LIPA: variants seen among roughly 807,000 people sequenced by gnomAD.
LIPA encodes the protein lysosomal acid lipase/cholesteryl ester hydrolase.
A neutral mutation model predicts 40.6 loss-of-function variants in LIPA; 26 were observed. The ratio of observed to expected loss-of-function variants is 0.64; its 90% confidence interval spans 0.47 to 0.89. The LOEUF (loss-of-function observed/expected upper bound fraction) is 0.89, where lower values mean the gene tolerates loss of function less well. LIPA is among the 40% of genes least tolerant of loss of function. LIPA has a pLI of 0.00. For synonymous variants in LIPA, 188 were observed against 168.4 expected, an observed-to-expected ratio of 1.12 and a Z score of -0.90; for missense variants, 455 against 479.6, an observed-to-expected ratio of 0.95 and a Z score of 0.48.
At chr10:89,375,273 A>G (rs1170268309) in intron 2 of LIPA, among the ~76,000 whole-genome samples, 4 of 152,244 alleles carry the variant, frequency 2.6e-5, no homozygotes, top group Non-Finnish European at 5.9e-5. Context: ...AGTAAGCAGC[A>G]AAGTCCATTA....
At chr10:89,330,133 C>T (rs1371643088) in intron 1 of LIPA, among the ~76,000 whole-genome samples, 3 of 152,192 alleles carry the variant, frequency 2.0e-5, no homozygotes, top group African/African-American at 7.2e-5. Flanking sequence ...TGTGTACATG[C>T]AGGTCACAGG....
intron 2 of LIPA, among the ~76,000 whole-genome samples, chr10:89,389,598 A>G (rs964751706): frequency 7.9e-5 from 12 of 152,204 alleles, no homozygotes; most frequent in Admixed American, 4.6e-4. Context: ...GACAGGGGAA[A>G]TTTCTATGGA....
intron 2 of LIPA, among the ~76,000 whole-genome samples, chr10:89,407,813 G>A (rs1841436021): frequency 6.6e-6 from 1 of 152,168 alleles, no homozygotes; most frequent in Non-Finnish European, 1.5e-5. Flanking sequence ...AGGAGGACAG[G>A]CAAGGGTGCA....
In LIPA at chr10:89,379,801, G is replaced by A. The variant is rs142251059; in HGVS notation, c.61+32990C>T. On this transcript the variant is annotated intron_variant, in intron 2 of 8. Coordinates refer to the LIPA transcript ENST00000371837. ...TGTAATCCCAGCACTTTGGGAGGCC[G>A]AGATGGGCAGATCACGAGGTCAGGA... 3.0e-3 allele frequency among the ~76,000 whole-genome samples: 453 copies of A among 152,244 alleles called. 1 individual carries two copies. The highest frequency in any genetic ancestry group is 0.01 in the African/African-American group (424 of 41,550).
intron 3 of LIPA, among the ~76,000 whole-genome samples, chr10:89,238,470 T>C (rs1481216911): frequency 6.6e-6 from 1 of 152,166 alleles, no homozygotes; most frequent in Non-Finnish European, 1.5e-5. Context: ...TGCTATTCTA[T>C]AGAAACATTT....
At chr10:89,352,332 G>A (rs1285199516) in intron 2 of LIPA, among the ~76,000 whole-genome samples, 1 of 151,952 alleles carries the variant, frequency 6.6e-6, no homozygotes, top group Non-Finnish European at 1.5e-5. Flanking sequence ...TTTGACACAA[G>A]AAGGCCAAAA....
intron 2 of LIPA, among the ~76,000 whole-genome samples, chr10:89,366,777 A>G (rs952175038): frequency 1.3e-5 from 2 of 152,260 alleles, no homozygotes; most frequent in East Asian, 3.8e-4. Flanking sequence ...CCATTCCTCA[A>G]GGATCTAGAA....
chr10:89,282,504 G>C (rs1227231834), intron 1 of LIPA, among the ~76,000 whole-genome samples: 1 of 152,084 alleles, frequency 6.6e-6, no homozygotes, highest in Non-Finnish European at 1.5e-5. Context: ...GCCGGGCATG[G>C]TGGTGCATGC....
intron 3 of LIPA, among the ~76,000 whole-genome samples, chr10:89,229,521 C>T (rs1414004317): frequency 2.0e-5 from 3 of 152,094 alleles, no homozygotes; most frequent in Admixed American, 6.5e-5. Context: ...GAGGCTGAGG[C>T]GAGTGGATCA....
chr10:89,261,653 C>G (rs1843208353), intron 1 of LIPA, among the ~76,000 whole-genome samples: 1 of 152,152 alleles, frequency 6.6e-6, no homozygotes, highest in African/African-American at 2.4e-5. Flanking sequence ...TGTGGGAAAA[C>G]TCATTGGCAT....
chr10:89,218,758 T>C (rs1253143507), intron 8 of LIPA, among the ~76,000 whole-genome samples: 1 of 152,176 alleles, frequency 6.6e-6, no homozygotes, highest in Non-Finnish European at 1.5e-5. Flanking sequence ...CATGGCCTCA[T>C]GGAACACAGC....
chr10:89,392,471 ACC>A (rs11296868), intron 2 of LIPA: 3,758 of 131,660 alleles, frequency 0.029, 195 homozygotes, highest in African/African-American at 0.046. Flanking sequence ...TTCATTCCCC[ACC>A]CCCCCCCGTC....
intron 3 of LIPA, among the ~76,000 whole-genome samples, chr10:89,232,635 G>C (rs1842856322): frequency 6.6e-6 from 1 of 152,224 alleles, no homozygotes; most frequent in Non-Finnish European, 1.5e-5. Flanking sequence ...AGAGGAGAAG[G>C]AGGGTGATAT....
intron 2 of LIPA, among the ~76,000 whole-genome samples, chr10:89,366,230 A>C (rs918655088): frequency 2.6e-5 from 4 of 152,014 alleles, no homozygotes; most frequent in Non-Finnish European, 4.4e-5. Context: ...ATGGGAGTTC[A>C]CTCATGATTT....
chr10:89,216,693 G>A (rs575361620), intron 8 of LIPA, among the ~76,000 whole-genome samples: 33 of 152,252 alleles, frequency 2.2e-4, no homozygotes, highest in African/African-American at 7.0e-4. Context: ...GATATGCATA[G>A]GCTATATGCA....
chr10:89,350,387 G>A (rs756801280), intron 2 of LIPA, among the ~76,000 whole-genome samples: 11 of 151,828 alleles, frequency 7.2e-5, no homozygotes, highest in Non-Finnish European at 1.6e-4. Flanking sequence ...CTCACTGCAA[G>A]CTCCGCCTCC....
upstream of LIPA, among the ~76,000 whole-genome samples, chr10:89,254,958 T>G (rs1270165028): frequency 6.6e-6 from 1 of 152,178 alleles, no homozygotes; most frequent in Non-Finnish European, 1.5e-5. Context: ...CAGCCTGGAT[T>G]TCATTGTCCA....
chr10:89,409,427 G>A (rs1841453718), intron 2 of LIPA, among the ~76,000 whole-genome samples: 2 of 152,148 alleles, frequency 1.3e-5, no homozygotes, highest in African/African-American at 4.8e-5. Context: ...CTTTAAAAAA[G>A]ACTGTCCAAA....
chr10:89,396,585 C>T (rs537961897), intron 2 of LIPA, among the ~76,000 whole-genome samples: 105 of 152,266 alleles, frequency 6.9e-4, no homozygotes, highest in African/African-American at 2.4e-3. Context: ...AGAATGGCAC[C>T]AGGTCATTCA....
Sources: allele counts gnomAD v4.1 joint callset (sites outside exome capture counted in the v4.1 genomes callset), GRCh38; gene constraint gnomAD v4.1.1; transcripts MANE v1.5; gene names NCBI Gene and HGNC (gene_info 2026-07-23, HGNC 2026-07-21).